The following SULF1 variants were observed in gnomAD, a reference collection of about 807,000 sequenced individuals.
The protein encoded by SULF1 is sulfatase 1.
SULF1 carries 46 observed loss-of-function variants against 110.5 expected under a neutral mutation model. The ratio of observed to expected loss-of-function variants is 0.42; its 90% CI spans 0.33 to 0.53. The LOEUF (loss-of-function observed/expected upper bound fraction) is 0.53, where lower values mean the gene tolerates loss of function less well. Among genes scored for constraint, SULF1 ranks in the 20% least tolerant of loss-of-function variants. The pLI is 0.12. For synonymous variants in SULF1, 371 were observed against 387.1 expected, an observed-to-expected ratio of 0.96 and a Z score of 0.49; for missense variants, 941 against 1,094.2, an observed-to-expected ratio of 0.86 and a Z score of 1.98.
At chr8:69,585,832 G>A (rs566908498) in intron 6 of SULF1, among the ~76,000 whole-genome samples, 1 of 152,272 alleles carries the variant, frequency 6.6e-6, no homozygotes, top group East Asian at 1.9e-4. Flanking sequence ...TAAAAATGGA[G>A]TTTACCATGG....
At chr8:69,495,734 AC>A (rs1810304163) in intron 1 of SULF1, 30 bp from the exon 2 acceptor site, 2 of 152,260 alleles carry the variant, frequency 1.3e-5, no homozygotes, top group Non-Finnish European at 2.9e-5. Flanking sequence ...AAGAAGTAAT[AC>A]TTATCAAAAA....
At chr8:69,502,310 A>G (rs1225353745) in intron 3 of SULF1, among the ~76,000 whole-genome samples, 1 of 152,228 alleles carries the variant, frequency 6.6e-6, no homozygotes, top group Non-Finnish European at 1.5e-5. Context: ...TAGGCCCGCC[A>G]TGCACAGCCA....
chr8:69,556,470 G>A lies in SULF1; in HGVS notation c.-133-7069G>A, dbSNP rs538825186. On this transcript the variant is annotated intron_variant, in intron 3 of 22. Coordinates refer to ENST00000402687, the MANE Select transcript of SULF1 (RefSeq NM_001128205.2). ...GTGCATCCATGCATGGCTGGGCAGA[G>A]CAGAGTTCTCTGCCATTCTATGTGT... Among the ~76,000 whole-genome samples, 4 of 152,316 alleles carry A rather than the reference G, an allele frequency of 2.6e-5. No homozygotes were observed. The South Asian group carries it at 8.3e-4, about 32-fold the overall frequency.
chr8:69,550,375 T>A (rs1479295011), intron 3 of SULF1, among the ~76,000 whole-genome samples: 2 of 152,156 alleles, frequency 1.3e-5, no homozygotes, highest in Non-Finnish European at 2.9e-5. Flanking sequence ...TGGCACATGA[T>A]CAATGGATAT....
At chr8:69,640,296 A>C (rs1811380753) in intron 21 of SULF1, among the ~76,000 whole-genome samples, 2 of 152,148 alleles carry the variant, frequency 1.3e-5, no homozygotes, top group Admixed American at 1.3e-4. Context: ...AGAACATAGG[A>C]CTTTTATTGG....
chr8:69,597,554 G>T (rs17720343), intron 8 of SULF1: 8,618 of 152,264 alleles, frequency 0.057, 391 homozygotes, highest in Non-Finnish European at 0.083. Context: ...ATGTCATTCT[G>T]TAAATCCGGG....
rs948572130 is a variant in SULF1, at chr8:69,607,323, T to G, written c.1377+2391T>G. ...TTTTGAGCCTTAATCTTTAAAGCAGTTATTGAATCTGTGGGTCAAACCTGA... is the reference window on the plus strand; with the variant it reads ...TTTTGAGCCTTAATCTTTAAAGCAGGTATTGAATCTGTGGGTCAAACCTGA... On this transcript the variant is annotated intron_variant, in intron 13 of 22. Coordinates refer to ENST00000402687, the MANE Select transcript of SULF1 (RefSeq NM_001128205.2). Among the ~76,000 whole-genome samples, 7 of 152,206 alleles carry G rather than the reference T, an allele frequency of 4.6e-5. No individual in the cohort carries two copies. In the East Asian group the frequency reaches 1.3e-3, roughly 29 times the overall value.
intron 13 of SULF1, among the ~76,000 whole-genome samples, chr8:69,612,890 T>A (rs1006927076): frequency 6.6e-6 from 1 of 152,170 alleles, no homozygotes; most frequent in African/African-American, 2.4e-5. Flanking sequence ...TGGGTTTTTT[T>A]ATATTTGCTT....
intron 3 of SULF1, among the ~76,000 whole-genome samples, chr8:69,548,366 A>G (rs2150685888): frequency 6.6e-6 from 1 of 152,214 alleles, no homozygotes; most frequent in African/African-American, 2.4e-5. Flanking sequence ...GGTGTCATTT[A>G]TGTATTGGGC....
intron 13 of SULF1, among the ~76,000 whole-genome samples, chr8:69,615,096 G>A (rs532343909): frequency 6.6e-6 from 1 of 152,314 alleles, no homozygotes; most frequent in East Asian, 1.9e-4. Flanking sequence ...GGCACTTGTT[G>A]AACAAAGCTC....
At chr8:69,531,228 G>A (rs569859870) in intron 3 of SULF1, among the ~76,000 whole-genome samples, 3 of 152,280 alleles carry the variant, frequency 2.0e-5, no homozygotes, top group Non-Finnish European at 4.4e-5. Flanking sequence ...GTCCCTTGTT[G>A]CTTTGGAACA....
At chr8:69,490,394 C>A (rs569429019), upstream of SULF1, among the ~76,000 whole-genome samples, 112 of 152,300 alleles carry the variant, frequency 7.4e-4, no homozygotes, top group Non-Finnish European at 7.8e-4. Context: ...AGCCACCATG[C>A]ATGGCTATAC....
At chr8:69,477,306 C>G (rs540077062) in intron 1 of SULF1, among the ~76,000 whole-genome samples, 1 of 152,282 alleles carries the variant, frequency 6.6e-6, no homozygotes, top group Non-Finnish European at 1.5e-5. Context: ...TCATGTATAG[C>G]AATTGTTATT....
At chr8:69,467,959 G>A (rs1175688107) in intron 1 of SULF1, among the ~76,000 whole-genome samples, 1 of 151,048 alleles carries the variant, frequency 6.6e-6, no homozygotes, top group Non-Finnish European at 1.5e-5. Flanking sequence ...ATAAGAAGGG[G>A]GTTTATATGC....
intron 3 of SULF1, among the ~76,000 whole-genome samples, chr8:69,520,920 T>C (rs1308533416): frequency 6.6e-6 from 1 of 152,204 alleles, no homozygotes; most frequent in East Asian, 1.9e-4. Flanking sequence ...ATTCTGTCTT[T>C]CAAAAAGCTC....
chr8:69,634,683 C>T (rs1165863477), intron 19 of SULF1, among the ~76,000 whole-genome samples: 1 of 151,930 alleles, frequency 6.6e-6, no homozygotes, highest in Non-Finnish European at 1.5e-5. Context: ...GTCACTTGAG[C>T]CCCAGTGGAG....
chr8:69,510,985 C>T (rs551139347), intron 3 of SULF1, among the ~76,000 whole-genome samples: 1 of 141,006 alleles, frequency 7.1e-6, no homozygotes, highest in Admixed American at 7.1e-5. Flanking sequence ...CACACACACA[C>T]ATATTGTCAA....
chr8:69,569,771 G>T (rs1805094247), intron 5 of SULF1, among the ~76,000 whole-genome samples: 1 of 152,164 alleles, frequency 6.6e-6, no homozygotes, highest in Non-Finnish European at 1.5e-5. Flanking sequence ...AGGAGGAAAT[G>T]ATGAGTCTTA....
intron 1 of SULF1, among the ~76,000 whole-genome samples, chr8:69,469,741 T>C (rs928220894): frequency 1.1e-4 from 17 of 152,204 alleles, no homozygotes; most frequent in Non-Finnish European, 1.3e-4. Flanking sequence ...AAAATGGGTT[T>C]ATTCTTTAAA....
Sources: allele counts gnomAD v4.1 joint callset (sites outside exome capture counted in the v4.1 genomes callset), GRCh38; gene constraint gnomAD v4.1.1; transcripts MANE v1.5; gene names NCBI Gene and HGNC (gene_info 2026-07-23, HGNC 2026-07-21).